SEMA5A: variants seen among roughly 807,000 people sequenced by gnomAD.
SEMA5A encodes semaphorin 5A.
Under a neutral mutation model 135.5 loss-of-function variants are expected in SEMA5A, and 55 were observed. That is an observed-to-expected ratio of 0.41 (90% CI 0.33 to 0.51). The LOEUF is 0.51. Among genes scored for constraint, SEMA5A ranks in the 20% least tolerant of loss-of-function variants. The pLI is 0.37. For missense variants in SEMA5A, 1,290 were observed against 1,419.9 expected (o/e 0.91, Z 1.47); for synonymous variants, 580 against 546.5 (o/e 1.06, Z -0.85).
intron 2 of SEMA5A, among the ~76,000 whole-genome samples, chr5:9,424,169 T>C (rs1001025036): frequency 6.6e-6 from 1 of 152,104 alleles, no homozygotes; most frequent in Non-Finnish European, 1.5e-5. Context: ...AACTGCTGAT[T>C]GTGAGAAAAA....
chr5:9,371,488 C>G (rs1229664313), intron 3 of SEMA5A, among the ~76,000 whole-genome samples: 1 of 152,064 alleles, frequency 6.6e-6, no homozygotes, highest in Non-Finnish European at 1.5e-5. Flanking sequence ...TATTACATAC[C>G]TAGATTATAG....
chr5:9,145,797 T>A (rs1742300202), intron 12 of SEMA5A, among the ~76,000 whole-genome samples: 1 of 129,892 alleles, frequency 7.7e-6, no homozygotes, highest in Non-Finnish European at 1.7e-5. Flanking sequence ...TGCCACCACA[T>A]CCAGCTTTTT....
chr5:9,203,806 C>A (rs1230202654), intron 8 of SEMA5A, among the ~76,000 whole-genome samples: 1 of 151,886 alleles, frequency 6.6e-6, no homozygotes, highest in Non-Finnish European at 1.5e-5. Flanking sequence ...TTGCTTTCAC[C>A]CTAAATGACT....
intron 6 of SEMA5A, among the ~76,000 whole-genome samples, chr5:9,234,894 C>T (rs1043683130): frequency 2.0e-5 from 3 of 152,136 alleles, no homozygotes; most frequent in Non-Finnish European, 4.4e-5. Context: ...CTCCGTGAAT[C>T]GAGGGTATAT....
At chr5:9,257,596 C>T (rs1287139935) in intron 5 of SEMA5A, among the ~76,000 whole-genome samples, 1 of 130,980 alleles carries the variant, frequency 7.6e-6, no homozygotes, top group Non-Finnish European at 1.8e-5. Flanking sequence ...CTATTTTGCT[C>T]TAAAAAAAAA....
intron 21 of SEMA5A, 134 bp from the exon 22 acceptor site, chr5:9,044,718 C>T: frequency 1.5e-6 from 1 of 687,000 alleles, no homozygotes; most frequent in East Asian, 2.7e-5. Flanking sequence ...AATTATCATT[C>T]TTAAGAGTCT....
intron 2 of SEMA5A, among the ~76,000 whole-genome samples, chr5:9,381,967 TGTGTGTGTGTGTGTGCGCGCGC>T (rs1579446239): frequency 7.7e-6 from 1 of 129,884 alleles, no homozygotes; most frequent in East Asian, 2.2e-4. Context: ...TGTGTGTGTG[TGTGTGTGTGTGTGTGCGCGCGC>T]GCGCACATCA....
At chr5:9,497,192 A>T (rs1735346294) in intron 1 of SEMA5A, among the ~76,000 whole-genome samples, 1 of 152,236 alleles carries the variant, frequency 6.6e-6, no homozygotes, top group African/African-American at 2.4e-5. Flanking sequence ...GGAGATAATC[A>T]GCTGATGATC....
chr5:9,318,408 G>C lies in SEMA5A; in HGVS notation c.234C>G (p.Leu78=). Residue 78 remains leucine (L), a synonymous_variant, in exon 5 of 23, where the codon CTC becomes CTG. Transcript: ENST00000382496. ...KELVVGARNY[L]FRLQLEDLSL... ...ACAGATCCTCAAGCTGTAACCTGAA[G>C]AGGTAGTTTCTGCAAAATACAAAAA... 1 of 1,612,602 alleles carries C rather than the reference G, an allele frequency of 6.2e-7. No homozygotes were observed. Among genetic ancestry groups the C allele is most frequent in the Non-Finnish European group, 8.5e-7 (1 of 1,179,350 alleles).
chr5:9,389,141 G>C (rs1024665750), intron 2 of SEMA5A, among the ~76,000 whole-genome samples: 3 of 152,012 alleles, frequency 2.0e-5, no homozygotes, highest in Non-Finnish European at 2.9e-5. Context: ...ACCTTTCCTT[G>C]AATATCTCCT....
chr5:9,108,694 T>G (rs1298950194), intron 15 of SEMA5A, among the ~76,000 whole-genome samples: 1 of 152,204 alleles, frequency 6.6e-6, no homozygotes, highest in Non-Finnish European at 1.5e-5. Flanking sequence ...ATAGCTTTAC[T>G]TGGAATTCCT....
intron 5 of SEMA5A, among the ~76,000 whole-genome samples, chr5:9,253,578 C>T (rs979614657): frequency 6.6e-6 from 1 of 152,152 alleles, no homozygotes; most frequent in Non-Finnish European, 1.5e-5. Context: ...TGGTCTACCT[C>T]CTATGGTGTT....
At position 9,405,410 on chromosome 5, in the gene SEMA5A, C is replaced by T. The variant is rs181981576; in HGVS notation, c.-77-25387G>A. Among the ~76,000 whole-genome samples the T allele has an allele frequency of 2.6e-5, 4 of 152,280 alleles. No individual in the cohort carries two copies. In the East Asian group the frequency reaches 7.7e-4, roughly 29 times the overall value. ...TTTAAGCAATGTCTAAAGTCCAAAGCCCCAGGACAACATTTCTTCTGAGCC... is the reference window on the plus strand; with the variant it reads ...TTTAAGCAATGTCTAAAGTCCAAAGTCCCAGGACAACATTTCTTCTGAGCC... On this transcript the variant is annotated intron_variant, in intron 2 of 22. Coordinates refer to ENST00000382496, the MANE Select transcript of SEMA5A (RefSeq NM_003966.3).
chr5:9,242,872 C>T (rs1054148640), intron 5 of SEMA5A, among the ~76,000 whole-genome samples: 19 of 152,302 alleles, frequency 1.2e-4, no homozygotes, highest in African/African-American at 4.6e-4. Context: ...GATTCTCATA[C>T]ACTGCCATCA....
At chr5:9,226,102 C>T (rs1747295445) in intron 7 of SEMA5A, among the ~76,000 whole-genome samples, 1 of 152,158 alleles carries the variant, frequency 6.6e-6, no homozygotes. Flanking sequence ...GAGTTTCACA[C>T]CCCTTATCAT....
intron 6 of SEMA5A, among the ~76,000 whole-genome samples, chr5:9,227,575 G>C (rs1747383461): frequency 7.2e-6 from 1 of 138,734 alleles, no homozygotes; most frequent in Non-Finnish European, 1.5e-5. Flanking sequence ...TTTTGAGACG[G>C]AGTCTCGCTC....
intron 5 of SEMA5A, among the ~76,000 whole-genome samples, chr5:9,266,441 A>T (rs1188248210): frequency 1.3e-5 from 2 of 151,672 alleles, no homozygotes; most frequent in Non-Finnish European, 2.9e-5. Flanking sequence ...TTAAATGACG[A>T]GATACTACAC....
intron 11 of SEMA5A, among the ~76,000 whole-genome samples, chr5:9,187,844 C>T (rs1405323447): frequency 6.6e-6 from 1 of 152,214 alleles, no homozygotes; most frequent in Non-Finnish European, 1.5e-5. Flanking sequence ...TCTGGAATCC[C>T]TGCGGCAGCT....
At chr5:9,221,372 G>A (rs900775182) in intron 8 of SEMA5A, among the ~76,000 whole-genome samples, 30 of 145,562 alleles carry the variant, frequency 2.1e-4, no homozygotes, top group African/African-American at 4.1e-4. Flanking sequence ...GCGCGATCTC[G>A]GCTTACTGCA....
Sources: allele counts gnomAD v4.1 joint callset (sites outside exome capture counted in the v4.1 genomes callset), GRCh38; gene constraint gnomAD v4.1.1; transcripts MANE v1.5; gene names NCBI Gene and HGNC (gene_info 2026-07-23, HGNC 2026-07-21).